The following YARS1 variants were observed in gnomAD, a reference collection of about 807,000 sequenced individuals.
YARS1 encodes the protein tyrosyl-tRNA synthetase 1.
In YARS1, 36 loss-of-function variants were observed where a neutral mutation model predicts 62.2. That is an observed-to-expected ratio of 0.58 (90% CI 0.44 to 0.76). The LOEUF (loss-of-function observed/expected upper bound fraction) is 0.76, where lower values mean the gene tolerates loss of function less well. Among genes scored for constraint, YARS1 ranks in the 30% least tolerant of loss-of-function variants. The pLI, the probability that YARS1 is intolerant of heterozygous loss-of-function variation, is 0.00. For synonymous variants in YARS1, 234 were observed against 244.9 expected (o/e 0.96, Z 0.42); for missense variants, 524 against 639.8 (o/e 0.82, Z 1.95).
chr1:32,811,237 T>A, intron 1 of YARS1, 180 bp from the exon 2 acceptor site: 2 of 974,820 alleles, frequency 2.1e-6, no homozygotes, highest in Non-Finnish European at 3.2e-6. Context: ...CTGAATTGAC[T>A]CTCCCTTAGC....
rs1475425389 is a variant in YARS1 at position 32,796,955 on chromosome 1, A to C, written c.591+808T>G. 4.0e-5 allele frequency among the ~76,000 whole-genome samples: 4 copies of C among 98,870 alleles called. 1 individual carries two copies. The highest frequency in any genetic ancestry group is 7.8e-5 in the Non-Finnish European group (4 of 51,286). 64.9% of individuals were successfully genotyped at this position (98,870 alleles called of 152,430 possible). Reference sequence around the variant, plus strand: ...ACTCCAGCCTGGGTGACAATAGCGAAACTCAGTCTCAAAAAAAAAAAAAAA... The same window carrying C: ...ACTCCAGCCTGGGTGACAATAGCGACACTCAGTCTCAAAAAAAAAAAAAAA... On this transcript the variant is annotated intron_variant, in intron 5 of 12. Transcript: ENST00000373477.
At chr1:32,784,715 CAT>C (rs1426291242) in intron 8 of YARS1, among the ~76,000 whole-genome samples, 2 of 152,072 alleles carry the variant, frequency 1.3e-5, no homozygotes, top group African/African-American at 2.4e-5. Context: ...TATTTTCACA[CAT>C]ATATTCACAT....
At chr1:32,797,689 ACAT>A (rs2148610253) in intron 5 of YARS1, 71 bp downstream of exon 5, 2 of 1,235,192 alleles carry the variant, frequency 1.6e-6, no homozygotes, top group Admixed American at 1.7e-5. Flanking sequence ...TGGGACTGAC[ACAT>A]CATAGTTCAA....
chr1:32,786,383 C>T lies in YARS1; in HGVS notation c.885G>A (p.Leu295=). The part of the protein sequence containing the change: ...GNKTYTAYVD[L]EKDFAAEVVH... ...TTACCTCAGCAGCAAAGTCCTTTTC[C>T]AGGTCCACGTAAGCTGTGTAGGTTT... Residue 295 remains leucine, a synonymous_variant, in exon 8 of 13, where the codon CTG becomes CTA. Coordinates refer to ENST00000373477, the MANE Select transcript of YARS1 (RefSeq NM_003680.4). The T allele has an allele frequency of 6.2e-7, 1 of 1,613,994 alleles. No individual in the cohort carries two copies. Among genetic ancestry groups the T allele is most frequent in the Non-Finnish European group, 8.5e-7 (1 of 1,180,006 alleles).
intron 6 of YARS1, among the ~76,000 whole-genome samples, chr1:32,787,937 C>G (rs1377916538): frequency 6.6e-6 from 1 of 152,098 alleles, no homozygotes; most frequent in Non-Finnish European, 1.5e-5. Flanking sequence ...ATAGAAAAAC[C>G]TCATCTCTAC....
At chr1:32,813,957 T>C (rs1638640464) in intron 1 of YARS1, among the ~76,000 whole-genome samples, 2 of 152,158 alleles carry the variant, frequency 1.3e-5, no homozygotes, top group South Asian at 4.1e-4. Context: ...TCCTAGTCAT[T>C]AAATATTAGC....
At chr1:32,803,412 A>C (rs1383455660) in intron 4 of YARS1, among the ~76,000 whole-genome samples, 1 of 150,468 alleles carries the variant, frequency 6.6e-6, no homozygotes, top group Non-Finnish European at 1.5e-5. Context: ...GATTACAGGC[A>C]TGAGCCACCA....
chr1:32,776,887 A>C lies in YARS1; in HGVS notation c.1477-796T>G, dbSNP rs1652879264. On this transcript the variant is annotated intron_variant, in intron 12 of 12. Coordinates refer to ENST00000373477, the MANE Select transcript of YARS1 (RefSeq NM_003680.4). This position sits in a 1 kb window ranked among gnomAD's most constrained non-coding sequence, Gnocchi z 4.0. Reference sequence around the variant, plus strand: ...AAGGCTGAGGCAGGAGAATCACTTGAACCTGAGAGGAGGAGGTTGTGGCGG... The same window carrying C: ...AAGGCTGAGGCAGGAGAATCACTTGCACCTGAGAGGAGGAGGTTGTGGCGG... 6.6e-6 allele frequency among the ~76,000 whole-genome samples: 1 copy of C among 152,028 alleles called. No individual in the cohort carries two copies. Among genetic ancestry groups the C allele is most frequent in the Non-Finnish European group, 1.5e-5 (1 of 68,024 alleles).
intron 6 of YARS1, among the ~76,000 whole-genome samples, chr1:32,788,398 AC>A (rs1653307024): frequency 6.6e-6 from 1 of 152,116 alleles, no homozygotes; most frequent in Non-Finnish European, 1.5e-5. Flanking sequence ...CTACAGGTGT[AC>A]AAAACCATGC....
At chr1:32,781,386 C>T (rs938893028) in intron 9 of YARS1, 1 of 530,032 alleles carries the variant, frequency 1.9e-6, no homozygotes. Flanking sequence ...GTAGCTTTGC[C>T]TCCTTTAGGT....
Position 32,775,929 on chromosome 1 carries a change from A to T in YARS1, c.*52T>A. 1.4e-6 allele frequency: 2 copies of T among 1,467,878 alleles called. No individual in the cohort carries two copies. The highest frequency in any genetic ancestry group is 9.5e-7 in the Non-Finnish European group (1 of 1,047,986). The allele number at this position is 1,467,878 out of a possible 1,614,324, so 90.9% of individuals were successfully genotyped here. On this transcript the variant is annotated 3_prime_UTR_variant, in exon 13 of 13. Coordinates refer to ENST00000373477, the MANE Select transcript of YARS1 (RefSeq NM_003680.4). ...ATGGGTGATGGATGGAGCAGACTGA[A>T]GAGACAGCAGATGACTCAGTGGTGG...
chr1:32,790,174 C>T (rs1247402767), intron 6 of YARS1, among the ~76,000 whole-genome samples: 5 of 145,216 alleles, frequency 3.4e-5, no homozygotes, highest in Admixed American at 1.4e-4. Flanking sequence ...TGAGCCACCA[C>T]GCAGGCCTTT....
chr1:32,807,938 C>A (rs1220999235), intron 3 of YARS1, among the ~76,000 whole-genome samples: 1 of 152,104 alleles, frequency 6.6e-6, no homozygotes, highest in Non-Finnish European at 1.5e-5. Flanking sequence ...GAGACAGGAT[C>A]TTGCTCTGTT....
At chr1:32,792,287 G>C (rs1653434292) in intron 5 of YARS1, among the ~76,000 whole-genome samples, 1 of 152,152 alleles carries the variant, frequency 6.6e-6, no homozygotes. Context: ...TAGGAACAAG[G>C]ACCACACCAC....
chr1:32,793,073 A>C (rs1373850156), intron 5 of YARS1, among the ~76,000 whole-genome samples: 1 of 152,086 alleles, frequency 6.6e-6, no homozygotes, highest in African/African-American at 2.4e-5. Flanking sequence ...ACAATACAAT[A>C]CTGGATTTAA....
intron 8 of YARS1, among the ~76,000 whole-genome samples, chr1:32,785,236 G>A (rs1653182385): frequency 6.6e-6 from 1 of 152,186 alleles, no homozygotes; most frequent in Admixed American, 6.5e-5. Context: ...GAGGCAGGCG[G>A]ATCACCTGAG....
chr1:32,797,893 CAG>C (rs752040223), intron 4 of YARS1, 50 bp from the exon 5 acceptor site: 90 of 1,535,974 alleles, frequency 5.9e-5, no homozygotes, highest in Non-Finnish European at 7.9e-5. Flanking sequence ...TTTTTTGAGA[CAG>C]AGTCTCGCTC....
chr1:32,804,392 G>A (rs1204598017), intron 4 of YARS1, among the ~76,000 whole-genome samples: 11 of 151,200 alleles, frequency 7.3e-5, no homozygotes, highest in Non-Finnish European at 1.5e-4. Flanking sequence ...CTCCCTCCTG[G>A]ACAGGGCGGC....
chr1:32,782,370 C>T (rs781372085), intron 9 of YARS1, 34 bp downstream of exon 9: 4 of 1,613,878 alleles, frequency 2.5e-6, no homozygotes, highest in South Asian at 2.2e-5. Flanking sequence ...GCTCTCTCTC[C>T]TGATGATGTC....
Sources: allele counts gnomAD v4.1 joint callset (sites outside exome capture counted in the v4.1 genomes callset), GRCh38; gene constraint gnomAD v4.1.1; non-coding constraint Gnocchi (gnomAD v3.1); transcripts MANE v1.5; gene names NCBI Gene and HGNC (gene_info 2026-07-23, HGNC 2026-07-21).